The following CECR2 variants were observed in gnomAD, a reference collection of about 807,000 sequenced individuals.
The protein encoded by CECR2 is chromatin remodeling regulator CECR2.
CECR2 carries 30 observed loss-of-function variants against 154.5 expected under a neutral mutation model. The observed-to-expected ratio is 0.19, with a 90% confidence interval of 0.15 to 0.26. The LOEUF is 0.26. Ranked by LOEUF, CECR2 falls within the 10% of genes least tolerant of loss-of-function variation. The pLI is 1.00. For synonymous variants in CECR2, 725 were observed against 683.7 expected (o/e 1.06, Z -0.94); for missense variants, 1,743 against 1,829.3 (o/e 0.95, Z 0.86).
chr22:17,487,890 TTATTTA>T lies in CECR2; in HGVS notation c.222-9511_222-9506del, dbSNP rs199699711. Among the ~76,000 whole-genome samples, 1,468 of 152,072 alleles carry T rather than the reference TTATTTA, an allele frequency of 9.7e-3. 21 individuals carry two copies. Among genetic ancestry groups the T allele is most frequent in the African/African-American group, 0.034 (1,397 of 41,456 alleles). On this transcript the variant is annotated intron_variant, in intron 2 of 18. Coordinates refer to ENST00000262608, the MANE Select transcript of CECR2 (RefSeq NM_001290047.2). The stretch of plus-strand genomic sequence containing the variant: ...TTCATGTATTTATTTATTTATTTAT[TTATTTA>T]TTTTGAGAGAAGTCTCGCTCTTGTC...
intron 1 of CECR2, among the ~76,000 whole-genome samples, chr22:17,401,837 C>CT (rs1164279780): frequency 2.1e-5 from 3 of 141,818 alleles, no homozygotes; most frequent in Admixed American, 1.4e-4. Context: ...CACCCCCCCC[C>CT]GCCCCCGCTG....
Position 17,439,168 on chromosome 22 carries a change from C to CTT in CECR2, c.127-38407_127-38406dup, listed in dbSNP as rs75068959. ...AATTCTATGGGAGAAGAAACACTCC[C>CTT]TTTTTTTTTTTTTTGGATGTTCCGT... On this transcript the variant is annotated intron_variant, in intron 1 of 18. Coordinates refer to ENST00000262608, the MANE Select transcript of CECR2 (RefSeq NM_001290047.2). Among the ~76,000 whole-genome samples, 1,262 of 140,432 alleles carry CTT rather than the reference C, an allele frequency of 9.0e-3. 17 individuals are homozygous for CTT. Among genetic ancestry groups the CTT allele is most frequent in the African/African-American group, 0.028 (1,106 of 38,830 alleles). 92.1% of individuals were successfully genotyped at this position (140,432 alleles called of 152,430 possible).
upstream of CECR2, among the ~76,000 whole-genome samples, chr22:17,365,792 T>C (rs1332159961): frequency 6.6e-6 from 1 of 150,562 alleles, no homozygotes; most frequent in Non-Finnish European, 1.5e-5. Flanking sequence ...GATTGCTCAG[T>C]AAGGTGGCAG....
chr22:17,534,753 C>T (rs184252310), intron 9 of CECR2: 1 of 143,950 alleles, frequency 6.9e-6, no homozygotes, highest in Non-Finnish European at 1.5e-5. Context: ...GGTGGGTCTC[C>T]ATCTCCTGAC....
At chr22:17,378,359 C>G (rs945239009) in intron 1 of CECR2, among the ~76,000 whole-genome samples, 1 of 150,308 alleles carries the variant, frequency 6.7e-6, no homozygotes, top group Non-Finnish European at 1.5e-5. Flanking sequence ...TGCAGTGGCA[C>G]GATCTCGGCT....
chr22:17,483,935 A>G (rs1385258660), intron 2 of CECR2, among the ~76,000 whole-genome samples: 2 of 152,192 alleles, frequency 1.3e-5, no homozygotes, highest in Non-Finnish European at 2.9e-5. Flanking sequence ...TGTCCTTACT[A>G]TACCTTTTCT....
At position 17,504,954 on chromosome 22, in the gene CECR2, C is replaced by G; in HGVS notation, c.808C>G (p.Gln270Glu). The change falls in exon 7 of 19, where the codon CAG becomes GAG. Residue 270 changes from glutamine (Q) to glutamate (E), a missense_variant. Transcript: ENST00000262608. ...CGAGAGGACCTCCCTTCGAGAACGG[C>G]AGCTCTACAAGCTCCTCAGTGAGGA... ...FRERTSLRERQLYKLLSEDFL... is the reference protein window; with the variant it reads ...FRERTSLRERELYKLLSEDFL... The G allele has an allele frequency of 6.2e-7, 1 of 1,613,732 alleles. No individual in the cohort carries two copies. The highest frequency in any genetic ancestry group is 8.5e-7 in the Non-Finnish European group (1 of 1,179,844).
intron 1 of CECR2, among the ~76,000 whole-genome samples, chr22:17,434,716 T>C (rs899877175): frequency 1.3e-4 from 19 of 151,928 alleles, no homozygotes; most frequent in Admixed American, 3.3e-4. Context: ...GTGTATTTTC[T>C]TGAGCACTTT....
chr22:17,512,200 G>C (rs879045935), intron 8 of CECR2, among the ~76,000 whole-genome samples: 2 of 152,020 alleles, frequency 1.3e-5, no homozygotes, highest in Admixed American at 1.3e-4. Context: ...AGGATGTAGA[G>C]CTGGGCAACG....
At chr22:17,538,578 G>C in intron 11 of CECR2, 21 bp downstream of exon 11, 2 of 1,613,620 alleles carry the variant, frequency 1.2e-6, no homozygotes, top group South Asian at 1.1e-5. Context: ...ATTCTCCACT[G>C]TTCTGTTTGT....
At chr22:17,502,296 T>A (rs1290079075) in intron 5 of CECR2, among the ~76,000 whole-genome samples, 1 of 152,196 alleles carries the variant, frequency 6.6e-6, no homozygotes, top group Admixed American at 6.5e-5. Flanking sequence ...CTTAACCCTC[T>A]GCCTTAGGTA....
intron 1 of CECR2, among the ~76,000 whole-genome samples, chr22:17,408,821 T>C (rs1333112099): frequency 2.0e-5 from 3 of 152,260 alleles, no homozygotes; most frequent in African/African-American, 4.8e-5. Flanking sequence ...TTCCCATTGT[T>C]GCATAAAGCC....
At chr22:17,427,874 T>C (rs1388892782) in intron 1 of CECR2, among the ~76,000 whole-genome samples, 1 of 152,142 alleles carries the variant, frequency 6.6e-6, no homozygotes, top group Non-Finnish European at 1.5e-5. Context: ...TCAGTATTTC[T>C]CGTTCTAGAT....
rs532253747 is a variant in CECR2, at chr22:17,423,279, TG to T, written c.126+53372del. ...CCTTCATGGGACAAGATGGCTAGACTGGACTGGAGTTGGGTGTTCCCTTCCC... is the reference window on the plus strand; with the variant it reads ...CCTTCATGGGACAAGATGGCTAGACTGACTGGAGTTGGGTGTTCCCTTCCC... On this transcript the variant is annotated intron_variant, in intron 1 of 18. Transcript: ENST00000262608. 4.2e-3 allele frequency among the ~76,000 whole-genome samples: 633 copies of T among 152,260 alleles called. 8 individuals carry two copies. Among genetic ancestry groups the T allele is most frequent in the African/African-American group, 0.014 (599 of 41,554 alleles).
In CECR2 at chr22:17,551,107, C is replaced by A. The variant is rs551301442; in HGVS notation, c.4278-924C>A. On this transcript the variant is annotated intron_variant, in intron 17 of 18. Transcript: ENST00000262608. ...TGTCTCTAAATACCTGTTTTCTTTG[C>A]TTTGCTTTTTTTCCTAAGCTGTTGG... Among the ~76,000 whole-genome samples the A allele has an allele frequency of 3.9e-5, 6 of 152,216 alleles. No individual in the cohort carries two copies. The East Asian group carries it at 1.2e-3, about 29-fold the overall frequency.
At chr22:17,443,387 C>T (rs5747144) in intron 1 of CECR2, among the ~76,000 whole-genome samples, 20,006 of 152,010 alleles carry the variant, frequency 0.13, 1,527 homozygotes, top group South Asian at 0.25. Context: ...TGGAATTAAT[C>T]TTAGAATATT....
At chr22:17,489,768 T>A (rs935046624) in intron 2 of CECR2, among the ~76,000 whole-genome samples, 1 of 152,214 alleles carries the variant, frequency 6.6e-6, no homozygotes, top group Non-Finnish European at 1.5e-5. Context: ...TTATCAACTT[T>A]TTAAATGTTT....
chr22:17,541,016 TCAAA>T (rs1275821403), intron 14 of CECR2, among the ~76,000 whole-genome samples: 3 of 152,252 alleles, frequency 2.0e-5, no homozygotes, highest in African/African-American at 4.8e-5. Flanking sequence ...ACTCTTGGCC[TCAAA>T]CAGTCCTTCT....
chr22:17,406,332 C>T (rs2053983284), intron 1 of CECR2, among the ~76,000 whole-genome samples: 1 of 152,024 alleles, frequency 6.6e-6, no homozygotes, highest in Admixed American at 6.6e-5. Flanking sequence ...ACCAGCCTGG[C>T]CAACATGACG....
Sources: gnomAD v4.1 joint callset for allele counts (sites outside exome capture counted in the v4.1 genomes callset) on GRCh38, gnomAD v4.1.1 for gene constraint, MANE v1.5 for transcripts, NCBI Gene and HGNC (gene_info 2026-07-23, HGNC 2026-07-21) for gene names.